NRG3: variants seen among roughly 807,000 people sequenced by gnomAD.
NRG3 encodes the protein neuregulin 3.
A neutral mutation model predicts 66.9 loss-of-function variants in NRG3; 31 were observed. The observed-to-expected ratio is 0.46, with a 90% CI of 0.35 to 0.63. The LOEUF is 0.63. NRG3 is among the 20% of genes least tolerant of loss of function. The probability of loss-of-function intolerance (pLI) is 0.00; values close to 1 mark genes in which losing one functional copy is unlikely to be tolerated. For synonymous variants in NRG3, 393 were observed against 359.4 expected (o/e 1.09, Z -1.06); for missense variants, 910 against 878.9 (o/e 1.04, Z -0.45).
chr10:82,110,320 G>A (rs1252069585), intron 1 of NRG3, among the ~76,000 whole-genome samples: 2 of 152,116 alleles, frequency 1.3e-5, no homozygotes, highest in African/African-American at 4.8e-5. Context: ...ATGGGTGGGT[G>A]GTAGGAGATG....
intron 2 of NRG3, among the ~76,000 whole-genome samples, chr10:82,547,914 A>G (rs1334718917): frequency 1.3e-5 from 2 of 152,136 alleles, no homozygotes; most frequent in African/African-American, 4.8e-5. Context: ...TGAACTTTTA[A>G]TAATTCAGAT....
intron 1 of NRG3, among the ~76,000 whole-genome samples, chr10:81,890,501 A>C (rs1406001635): frequency 1.3e-5 from 2 of 152,332 alleles, no homozygotes; most frequent in East Asian, 3.9e-4. Context: ...CATCTTTTCA[A>C]AATTAACCTT....
In NRG3 at chr10:82,413,156, A is replaced by G. The variant is rs150011078; in HGVS notation, c.953+54288A>G. On this transcript the variant is annotated intron_variant, in intron 2 of 8. Transcript: ENST00000372141. ...TTTTCAATTTACATTGCCCAGATCC[A>G]TCAGAGGAATCACTATCTATGGCAC... 8.3e-3 allele frequency among the ~76,000 whole-genome samples: 1,258 copies of G among 152,310 alleles called. 17 individuals carry two copies. Among genetic ancestry groups the G allele is most frequent in the African/African-American group, 0.029 (1,200 of 41,564 alleles).
chr10:82,533,332 G>A (rs1041930233), intron 2 of NRG3, among the ~76,000 whole-genome samples: 2 of 151,908 alleles, frequency 1.3e-5, no homozygotes, highest in East Asian at 1.9e-4. Flanking sequence ...TATTACCTGT[G>A]CTTTTGGTAT....
chr10:81,958,719 G>C (rs1850073751), intron 1 of NRG3, among the ~76,000 whole-genome samples: 1 of 152,090 alleles, frequency 6.6e-6, no homozygotes, highest in Admixed American at 6.5e-5. Context: ...GTGAAATCCT[G>C]TCTGTACTAA....
intron 1 of NRG3, among the ~76,000 whole-genome samples, chr10:82,149,068 GTTTTTGT>G (rs562782182): frequency 0.11 from 7,476 of 70,426 alleles, 574 homozygotes; most frequent in African/African-American, 0.3. Context: ...TTTTGTTTTT[GTTTTTGT>G]TTTTTTTTTA....
In NRG3 at chr10:82,507,552, G is replaced by C. The variant is rs1021128174; in HGVS notation, c.953+148684G>C. Among the ~76,000 whole-genome samples the C allele has an allele frequency of 2.6e-5, 4 of 152,300 alleles. No individual in the cohort carries two copies. The South Asian group carries it at 8.3e-4, about 32-fold the overall frequency. Reference sequence around the variant, plus strand: ...GACACAAAGCCTGTAGCTGGAGTGTGTCTGTGGATGCCACATCTGACTCTG... The same window carrying C: ...GACACAAAGCCTGTAGCTGGAGTGTCTCTGTGGATGCCACATCTGACTCTG... On this transcript the variant is annotated intron_variant, in intron 2 of 8. Coordinates refer to ENST00000372141, the MANE Select transcript of NRG3 (RefSeq NM_001010848.4).
intron 2 of NRG3, among the ~76,000 whole-genome samples, chr10:82,494,618 A>G (rs541149027): frequency 3.5e-4 from 53 of 152,332 alleles, no homozygotes; most frequent in African/African-American, 1.2e-3. Flanking sequence ...TTACAAGAAA[A>G]AAATTAATAT....
intron 3 of NRG3, among the ~76,000 whole-genome samples, chr10:82,778,805 A>G (rs186954146): frequency 1.3e-5 from 2 of 151,832 alleles, no homozygotes; most frequent in East Asian, 3.9e-4. Flanking sequence ...ATTTCCGAGG[A>G]GTGGGGCAGC....
intron 2 of NRG3, among the ~76,000 whole-genome samples, chr10:82,463,879 G>A (rs1367250798): frequency 6.6e-6 from 1 of 152,236 alleles, no homozygotes; most frequent in Non-Finnish European, 1.5e-5. Flanking sequence ...GCATGGCTCT[G>A]AGAGGTGACA....
At chr10:82,740,373 C>G (rs965502436) in intron 3 of NRG3, among the ~76,000 whole-genome samples, 2 of 152,082 alleles carry the variant, frequency 1.3e-5, no homozygotes, top group Non-Finnish European at 2.9e-5. Context: ...TTTAAACAAT[C>G]TAATCAAATG....
At chr10:82,291,600 G>A (rs56934585) in intron 1 of NRG3, among the ~76,000 whole-genome samples, 2,365 of 152,286 alleles carry the variant, frequency 0.016, 59 homozygotes, top group African/African-American at 0.054. Context: ...CAATTTGGCA[G>A]CGAGAGAGAC....
chr10:81,970,856 G>A (rs1389895396), intron 1 of NRG3, among the ~76,000 whole-genome samples: 2 of 152,168 alleles, frequency 1.3e-5, no homozygotes, highest in African/African-American at 2.4e-5. Context: ...GAACACAACA[G>A]TGGCTGGGCG....
At chr10:82,136,389 C>T (rs752295152) in intron 1 of NRG3, among the ~76,000 whole-genome samples, 17 of 151,446 alleles carry the variant, frequency 1.1e-4, no homozygotes, top group Non-Finnish European at 2.4e-4. Flanking sequence ...TGTGGAAATC[C>T]AGCCAGGCGT....
At chr10:82,095,762 G>A (rs1564556851) in intron 1 of NRG3, among the ~76,000 whole-genome samples, 1 of 152,168 alleles carries the variant, frequency 6.6e-6, no homozygotes, top group Non-Finnish European at 1.5e-5. Flanking sequence ...CCCTCTCTGG[G>A]AATGAGCTAA....
intron 2 of NRG3, among the ~76,000 whole-genome samples, chr10:82,579,315 T>G (rs2046218268): frequency 6.6e-6 from 1 of 151,754 alleles, no homozygotes; most frequent in South Asian, 2.1e-4. Context: ...TAAATAAAGG[T>G]AAAATGCATA....
At chr10:81,929,197 A>G (rs892813380) in intron 1 of NRG3, among the ~76,000 whole-genome samples, 1 of 152,092 alleles carries the variant, frequency 6.6e-6, no homozygotes, top group African/African-American at 2.4e-5. Context: ...AATTTAGTCA[A>G]TTATGGTGAA....
At chr10:82,775,709 C>T (rs764833503) in intron 3 of NRG3, among the ~76,000 whole-genome samples, 2 of 152,026 alleles carry the variant, frequency 1.3e-5, no homozygotes, top group Non-Finnish European at 2.9e-5. Flanking sequence ...TATTGGCATC[C>T]ACTAGTATTA....
chr10:82,841,916 A>G (rs2135754453), intron 3 of NRG3, among the ~76,000 whole-genome samples: 1 of 152,234 alleles, frequency 6.6e-6, no homozygotes, highest in East Asian at 1.9e-4. Flanking sequence ...ATTGGTGTGG[A>G]TGGAGAGGAA....
Sources: gnomAD v4.1 joint callset for allele counts (sites outside exome capture counted in the v4.1 genomes callset) on GRCh38, gnomAD v4.1.1 for gene constraint, MANE v1.5 for transcripts, NCBI Gene and HGNC (gene_info 2026-07-23, HGNC 2026-07-21) for gene names.